Variants in LOC122539214 observed in about 807,000 individuals in gnomAD.
the LOC122539214 span, among the ~76,000 whole-genome samples, chr19:52,657,761 C>T: frequency 6.6e-6 from 1 of 151,394 alleles, no homozygotes; most frequent in Non-Finnish European, 1.5e-5. Flanking sequence ...GCAGGAGAAT[C>T]GCTTGAACCT....
At chr19:52,680,604 ATATTTT>A in the LOC122539214 span, among the ~76,000 whole-genome samples, 5 of 89,932 alleles carry the variant, frequency 5.6e-5, no homozygotes, top group Non-Finnish European at 7.8e-5. Flanking sequence ...TTTCCACAAA[ATATTTT>A]TTTTTTTTTT....
At chr19:52,651,013 C>T in the LOC122539214 span, 1 of 152,182 alleles carries the variant, frequency 6.6e-6, no homozygotes, top group Non-Finnish European at 1.5e-5. Context: ...AGGTTTAAAA[C>T]CTCTAATTGA....
At chr19:52,653,798 T>G in the LOC122539214 span, among the ~76,000 whole-genome samples, 5 of 152,222 alleles carry the variant, frequency 3.3e-5, no homozygotes, top group African/African-American at 9.6e-5. Context: ...TGAAACACTT[T>G]GCCACATACA....
At chr19:52,684,268 A>T in the LOC122539214 span, among the ~76,000 whole-genome samples, 1 of 152,140 alleles carries the variant, frequency 6.6e-6, no homozygotes, top group Non-Finnish European at 1.5e-5. Flanking sequence ...CGGGAGGCTG[A>T]GGCAGGAGAA....
the LOC122539214 span, among the ~76,000 whole-genome samples, chr19:52,688,681 C>T: frequency 6.6e-6 from 1 of 152,050 alleles, no homozygotes; most frequent in African/African-American, 2.4e-5. Flanking sequence ...TAACATCTTG[C>T]TGCTCTTCTC....
chr19:52,653,690 G>A, the LOC122539214 span, among the ~76,000 whole-genome samples: 12,289 of 152,234 alleles, frequency 0.081, 536 homozygotes, highest in Middle Eastern at 0.1. Flanking sequence ...TGGCGTGTAA[G>A]AGATGACTTG....
the LOC122539214 span, among the ~76,000 whole-genome samples, chr19:52,658,232 A>G: frequency 3.3e-5 from 5 of 152,224 alleles, no homozygotes; most frequent in African/African-American, 1.2e-4. Flanking sequence ...GGACACCATC[A>G]AGGACACCAT....
the LOC122539214 span, among the ~76,000 whole-genome samples, chr19:52,667,080 T>C: frequency 6.6e-6 from 1 of 152,188 alleles, no homozygotes; most frequent in African/African-American, 2.4e-5. Context: ...AATCCCAAAC[T>C]TACAACGTTT....
the LOC122539214 span, among the ~76,000 whole-genome samples, chr19:52,667,540 G>T: frequency 6.6e-6 from 1 of 152,086 alleles, no homozygotes; most frequent in Non-Finnish European, 1.5e-5. Flanking sequence ...ATTATAGGGA[G>T]GCAGAAGAAT....
At chr19:52,655,416 A>C in the LOC122539214 span, 1 of 794,388 alleles carries the variant, frequency 1.3e-6, no homozygotes, top group Non-Finnish European at 2.0e-6. Context: ...TGTCTATGAC[A>C]GACAGGAGGA....
chr19:52,680,450 ACAT>A, the LOC122539214 span, among the ~76,000 whole-genome samples: 1 of 152,070 alleles, frequency 6.6e-6, no homozygotes, highest in Non-Finnish European at 1.5e-5. Context: ...TTTCCACAAA[ACAT>A]CATGGAGGAG....
At chr19:52,652,798 TC>T in the LOC122539214 span, 528 of 883,544 alleles carry the variant, frequency 6.0e-4, 2 homozygotes, top group African/African-American at 6.9e-3. Flanking sequence ...TTTGCCACAC[TC>T]ATTGCACTTA....
the LOC122539214 span, among the ~76,000 whole-genome samples, chr19:52,689,849 T>A: frequency 3.9e-5 from 6 of 152,318 alleles, no homozygotes; most frequent in South Asian, 1.2e-3. Flanking sequence ...GGGCTGGAAC[T>A]GGGCAGGCAA....
At chr19:52,667,224 GAAA>G in the LOC122539214 span, among the ~76,000 whole-genome samples, 459 of 86,216 alleles carry the variant, frequency 5.3e-3, 1 homozygote, top group African/African-American at 0.014. Context: ...TATCATCTTT[GAAA>G]AAAAAAAAAA....
the LOC122539214 span, among the ~76,000 whole-genome samples, chr19:52,680,743 A>C: frequency 1.0e-4 from 14 of 133,692 alleles, 1 homozygote; most frequent in African/African-American, 1.6e-4. Flanking sequence ...CTCCCGAGTA[A>C]CTGGGACTAC....
chr19:52,687,194 A>G, the LOC122539214 span, among the ~76,000 whole-genome samples: 4 of 148,874 alleles, frequency 2.7e-5, no homozygotes, highest in African/African-American at 9.9e-5. Flanking sequence ...AAAAAAAAAA[A>G]AAAGTACTAT....
At chr19:52,687,586 A>ATAAT in the LOC122539214 span, among the ~76,000 whole-genome samples, 61 of 39,200 alleles carry the variant, frequency 1.6e-3, no homozygotes, top group African/African-American at 6.0e-3. Flanking sequence ...TTTTATATAT[A>ATAAT]TATATATATA....
the LOC122539214 span, among the ~76,000 whole-genome samples, chr19:52,664,202 T>A: frequency 0.35 from 49,286 of 142,308 alleles, 8,545 homozygotes; most frequent in East Asian, 0.56. Flanking sequence ...TTTTTTTTTT[T>A]AATTAAGAAC....
At chr19:52,676,491 G>A in the LOC122539214 span, among the ~76,000 whole-genome samples, 14 of 151,456 alleles carry the variant, frequency 9.2e-5, no homozygotes, top group African/African-American at 1.4e-4. Context: ...CTCCCCGTCC[G>A]GGAGGGAGGT....
Sources: gnomAD v4.1 joint callset for allele counts (sites outside exome capture counted in the v4.1 genomes callset) on GRCh38, gnomAD v4.1.1 for gene constraint, MANE v1.5 for transcripts.